PBRM1: variants seen among roughly 807,000 people sequenced by gnomAD.
The protein encoded by PBRM1 is protein polybromo-1.
A neutral mutation model predicts 194.5 loss-of-function variants in PBRM1; 27 were observed. The ratio of observed to expected loss-of-function variants is 0.14; its 90% confidence interval spans 0.10 to 0.19. PBRM1 has a LOEUF of 0.19. Ranked by LOEUF, PBRM1 falls within the 10% of genes least tolerant of loss-of-function variation. PBRM1 has a pLI of 1.00. For missense variants in PBRM1, 1,466 were observed against 2,077.2 expected, an observed-to-expected ratio of 0.71 and a Z score of 5.72; for synonymous variants, 655 against 693.2, an observed-to-expected ratio of 0.94 and a Z score of 0.87.
chr3:52,561,443 T>C (rs1161148868), intron 25 of PBRM1, among the ~76,000 whole-genome samples: 2 of 152,196 alleles, frequency 1.3e-5, no homozygotes, highest in South Asian at 4.1e-4. Context: ...TTTAACATCA[T>C]TGTACAATAA....
exon 11 of PBRM1, chr3:52,634,809 C>T (rs757998686): frequency 6.2e-6 from 10 of 1,611,764 alleles, no homozygotes; most frequent in South Asian, 3.3e-5. Context: ...CTCTTCATAG[C>T]GTGCAGCTGG....
chr3:52,600,773 G>T (rs1196510491), intron 17 of PBRM1, among the ~76,000 whole-genome samples: 1 of 152,250 alleles, frequency 6.6e-6, no homozygotes, highest in Non-Finnish European at 1.5e-5. Context: ...CGAGTAGTTG[G>T]GATTACAGGC....
chr3:52,575,508 CTTTTTTTTTTT>C (rs1177139118), intron 22 of PBRM1, among the ~76,000 whole-genome samples: 8 of 87,160 alleles, frequency 9.2e-5, no homozygotes, highest in Middle Eastern at 8.1e-3. Context: ...AATCAATTGT[CTTTTTTTTTTT>C]TTTTTTTTTT....
In PBRM1 at chr3:52,605,934, T is replaced by C. The variant is rs140756974; in HGVS notation, c.2568-2202A>G. Among the ~76,000 whole-genome samples the C allele has an allele frequency of 6.6e-3, 997 of 151,616 alleles. 10 individuals carry two copies. The highest frequency in any genetic ancestry group is 0.022 in the African/African-American group (923 of 41,328). ...AGGTTTTAAATATCTTTTGGGGTCA[T>C]AGAAATGCTAATACTTGTAGGAAAG... On this transcript the variant is annotated intron_variant, in intron 16 of 29. Coordinates refer to ENST00000296302, the Ensembl canonical transcript of PBRM1.
intron 29 of PBRM1, among the ~76,000 whole-genome samples, chr3:52,549,039 T>A (rs1428496677): frequency 1.3e-5 from 2 of 151,644 alleles, no homozygotes; most frequent in African/African-American, 4.8e-5. Flanking sequence ...TTTTTTTTTT[T>A]AGACAGAGTC....
chr3:52,640,699 TG>T, intron 10 of PBRM1, among the ~76,000 whole-genome samples: 1 of 152,158 alleles, frequency 6.6e-6, no homozygotes, highest in Non-Finnish European at 1.5e-5. Flanking sequence ...TGGAGTACAG[TG>T]GTGTGATCTC....
At chr3:52,633,255 A>C (rs538150008) in intron 11 of PBRM1, among the ~76,000 whole-genome samples, 2 of 151,908 alleles carry the variant, frequency 1.3e-5, no homozygotes, top group East Asian at 1.9e-4. Context: ...ACAAATACTC[A>C]TATCAATAGA....
At chr3:52,673,905 G>T (rs917968089) in intron 2 of PBRM1, among the ~76,000 whole-genome samples, 6 of 151,246 alleles carry the variant, frequency 4.0e-5, no homozygotes, top group Non-Finnish European at 8.9e-5. Flanking sequence ...ACAAAAATTA[G>T]CCAGGCATGG....
At chr3:52,548,299 C>A (rs2079970511) in intron 29 of PBRM1, 64 bp from the exon 32 acceptor site, 3 of 1,286,594 alleles carry the variant, frequency 2.3e-6, no homozygotes, top group South Asian at 1.5e-5. Flanking sequence ...TCCCTCAGTT[C>A]TAAGGTCTGA....
exon 20 of PBRM1, chr3:52,586,517 A>C (rs2092410868): frequency 1.9e-6 from 3 of 1,614,060 alleles, no homozygotes; most frequent in Non-Finnish European, 1.7e-6. Flanking sequence ...GCAAATACAG[A>C]GGCCACGCGA....
At chr3:52,681,435 C>T (rs1272168822), upstream of PBRM1, among the ~76,000 whole-genome samples, 2 of 152,040 alleles carry the variant, frequency 1.3e-5, no homozygotes, top group South Asian at 2.1e-4. Flanking sequence ...TAGTTAAAAT[C>T]GTCAAAAGGC....
In PBRM1 at chr3:52,674,643, A is replaced by AAATAT. The variant is rs1193129880; in HGVS notation, c.236+3856_236+3857insATATT. Among the ~76,000 whole-genome samples the AAATAT allele has an allele frequency of 2.4e-3, 177 of 72,334 alleles. 2 individuals are homozygous for AAATAT. Among genetic ancestry groups the AAATAT allele is most frequent in the African/African-American group, 6.8e-3 (168 of 24,608 alleles). The allele number at this position is 72,334 out of a possible 152,430, so 47.5% of individuals were successfully genotyped here. On this transcript the variant is annotated intron_variant, in intron 2 of 29. Coordinates refer to ENST00000296302, the Ensembl canonical transcript of PBRM1. ...TGTCTCTACCAAAAAAAAAAAAAAA[A>AAATAT]ATATATATATATATATATATATACA... is the stretch of plus-strand genomic sequence containing the variant.
intron 2 of PBRM1, among the ~76,000 whole-genome samples, chr3:52,674,391 G>A (rs1161566974): frequency 1.3e-5 from 2 of 148,926 alleles, no homozygotes; most frequent in Non-Finnish European, 3.0e-5. Context: ...TGGGGCAGGA[G>A]AATCGCTTGA....
chr3:52,602,684 C>A (rs2094089829), intron 17 of PBRM1, among the ~76,000 whole-genome samples: 1 of 152,234 alleles, frequency 6.6e-6, no homozygotes, highest in Non-Finnish European at 1.5e-5. Flanking sequence ...CTAAACCCCA[C>A]ACATATATAT....
At chr3:52,615,801 T>TA (rs2094921539) in intron 14 of PBRM1, among the ~76,000 whole-genome samples, 1 of 152,228 alleles carries the variant, frequency 6.6e-6, no homozygotes, top group African/African-American at 2.4e-5. Context: ...ACGCTCAAGG[T>TA]AGCAGACTTA....
chr3:52,555,998 AG>A (rs2082144767), intron 26 of PBRM1, among the ~76,000 whole-genome samples: 2 of 152,232 alleles, frequency 1.3e-5, no homozygotes. Flanking sequence ...CCCAAAATGC[AG>A]TCACCTTTGG....
intron 27 of PBRM1, among the ~76,000 whole-genome samples, chr3:52,553,118 G>T (rs1378330974): frequency 6.6e-6 from 1 of 152,174 alleles, no homozygotes; most frequent in Non-Finnish European, 1.5e-5. Context: ...TCCAACACTG[G>T]TACAAGCAAA....
At chr3:52,677,727 T>G (rs2097137253) in intron 2 of PBRM1, among the ~76,000 whole-genome samples, 1 of 152,114 alleles carries the variant, frequency 6.6e-6, no homozygotes, top group African/African-American at 2.4e-5. Flanking sequence ...ACCTGGCTAA[T>G]TTTTGTATTT....
intron 22 of PBRM1, among the ~76,000 whole-genome samples, chr3:52,575,640 G>C (rs2153648450): frequency 7.0e-6 from 1 of 142,306 alleles, no homozygotes; most frequent in East Asian, 2.1e-4. Flanking sequence ...AGAGTAACTA[G>C]GATTACAGAC....
Sources: allele counts gnomAD v4.1 joint callset (sites outside exome capture counted in the v4.1 genomes callset), GRCh38; gene constraint gnomAD v4.1.1; transcripts MANE v1.5; gene names NCBI Gene and HGNC (gene_info 2026-07-23, HGNC 2026-07-21).